KAT6A: variants seen among roughly 807,000 people sequenced by gnomAD.
The protein encoded by KAT6A is histone acetyltransferase KAT6A.
A neutral mutation model predicts 198.4 loss-of-function variants in KAT6A; 9 were observed. The ratio of observed to expected loss-of-function variants is 0.05; its 90% CI spans 0.03 to 0.08. The LOEUF is 0.08. Among genes scored for constraint, KAT6A ranks in the 10% least tolerant of loss-of-function variants. KAT6A has a pLI of 1.00. For missense variants in KAT6A, 2,077 were observed against 2,509.9 expected, an observed-to-expected ratio of 0.83 and a Z score of 3.69; for synonymous variants, 890 against 883.0, an observed-to-expected ratio of 1.01 and a Z score of -0.14.
chr8:41,934,792 G>C lies in KAT6A; in HGVS notation c.3428C>G (p.Ser1143Cys). 1.2e-6 allele frequency: 2 copies of C among 1,613,962 alleles called. No homozygotes were observed. Among genetic ancestry groups the C allele is most frequent in the Non-Finnish European group, 1.7e-6 (2 of 1,179,996 alleles). ...TCCCTTTTTCTTTTTCAAAGGTGTG[G>C]ATGTATCTGGCTCAAGAGGAGAATT... ...VKNSPLEPDT[S>C]TPLKKKKGWP... The change falls in exon 17 of 17, where the codon TCC becomes TGC. Residue 1143 changes from serine (S) to cysteine (C), a missense_variant. By Grantham distance (112) the Ser-to-Cys change is moderately radical (BLOSUM62 -1). Coordinates refer to ENST00000265713, the MANE Select transcript of KAT6A (RefSeq NM_006766.5).
rs1398825133 is a variant in KAT6A at position 42,015,668 on chromosome 8, T to C, written c.601-28105A>G. On this transcript the variant is annotated intron_variant, in intron 2 of 16. Transcript: ENST00000265713. ...AACAGGTAATAAAGGGTGAGCTAAA[T>C]ATGTATGTTGAAGGATATTTTTCAT... is the stretch of plus-strand genomic sequence containing the variant. 4.6e-5 allele frequency among the ~76,000 whole-genome samples: 7 copies of C among 152,348 alleles called. 1 individual carries two copies. In the South Asian group the frequency reaches 6.2e-4, roughly 14 times the overall value.
intron 2 of KAT6A, among the ~76,000 whole-genome samples, chr8:42,025,337 G>C (rs531780817): frequency 1.3e-5 from 2 of 149,934 alleles, no homozygotes; most frequent in Non-Finnish European, 3.0e-5. Context: ...TCAGCCTTCC[G>C]AGTAGCTGGG....
Position 41,942,924 on chromosome 8 carries a change from C to T in KAT6A, c.2305G>A (p.Val769Ile). ...GTCCAGCGCAAACATTCTGGATCTA[C>T]ATCTACAGGTCGCAAATTCAGCTGA... ...KLQLNLRPVD[V>I]DPECLRWTPV... Residue 769 changes from valine to isoleucine, a missense_variant, in exon 14 of 17, where the codon GTA becomes ATA. By Grantham distance (29) the Val-to-Ile change is conservative (BLOSUM62 3). Around this residue, in one of 13 missense-constraint regions of KAT6A, gnomAD observed 127 missense variants for 209.6 expected, o/e 0.61. Coordinates refer to ENST00000265713, the MANE Select transcript of KAT6A (RefSeq NM_006766.5). The T allele has an allele frequency of 1.2e-6, 2 of 1,614,216 alleles. No homozygotes were observed. Among genetic ancestry groups the T allele is most frequent in the Non-Finnish European group, 1.7e-6 (2 of 1,180,048 alleles).
chr8:41,956,597 A>G (rs756467814), intron 8 of KAT6A, among the ~76,000 whole-genome samples: 3 of 152,176 alleles, frequency 2.0e-5, no homozygotes, highest in East Asian at 1.9e-4. Flanking sequence ...CTTTCTAACC[A>G]TTCTCTTTTA....
rs922774195 is a variant in KAT6A, at chr8:41,974,507, C to T, written c.1482+197G>A. ...TAATATTGATAGTCAAAGCCATGTG[C>T]TTATCTGCAAAACCAAAGCAGTTAT... is the stretch of plus-strand genomic sequence containing the variant. On this transcript the variant is annotated intron_variant, in intron 8 of 16. Transcript: ENST00000265713. The T allele has an allele frequency of 3.2e-5, 13 of 409,330 alleles. No homozygotes were observed. The East Asian group carries it at 4.3e-4, about 14-fold the overall frequency. 25.4% of individuals were successfully genotyped at this position (409,330 alleles called of 1,614,324 possible).
intron 15 of KAT6A, among the ~76,000 whole-genome samples, chr8:41,940,362 T>C (rs946260316): frequency 7.2e-5 from 11 of 152,188 alleles, no homozygotes; most frequent in Non-Finnish European, 1.0e-4. Flanking sequence ...GAGAAAACAA[T>C]AGCACCCAAG....
At position 41,977,274 on chromosome 8, in the gene KAT6A, C is replaced by T. The variant is rs1181854686; in HGVS notation, c.1097G>A (p.Arg366Gln). The T allele has an allele frequency of 1.1e-5, 18 of 1,614,054 alleles. No individual in the cohort carries two copies. Among genetic ancestry groups the T allele is most frequent in the Non-Finnish European group, 1.5e-5 (18 of 1,179,962 alleles). The change falls in exon 7 of 17, where the codon CGA (arginine) becomes CAA (glutamine). Residue 366 changes from arginine (R) to glutamine (Q), a missense_variant. Coordinates refer to ENST00000265713, the MANE Select transcript of KAT6A (RefSeq NM_006766.5). ...TGATTGGCTGGAAAGAGTGATTTTT[C>T]GTTTCCTACCCCTTCCAGGGCCAGT... ...VRTGPGRGRK[R>Q]KITLSSQSAS...
At chr8:41,980,658 G>T (rs1177339821) in intron 5 of KAT6A, among the ~76,000 whole-genome samples, 188 bp downstream of exon 5, 1 of 152,288 alleles carries the variant, frequency 6.6e-6, no homozygotes, top group East Asian at 1.9e-4. Context: ...TCCGTATCAT[G>T]TAAGAATGTT....
intron 8 of KAT6A, among the ~76,000 whole-genome samples, chr8:41,965,948 G>A (rs1033035437): frequency 5.9e-5 from 9 of 152,126 alleles, no homozygotes; most frequent in Admixed American, 2.0e-4. Context: ...ATTAAAGGCC[G>A]CATAGATGTA....
intron 2 of KAT6A, among the ~76,000 whole-genome samples, chr8:41,987,779 C>T (rs1336694835): frequency 6.6e-6 from 1 of 152,070 alleles, no homozygotes; most frequent in Non-Finnish European, 1.5e-5. Context: ...AACTTTACTC[C>T]AAAAAATCCT....
intron 2 of KAT6A, among the ~76,000 whole-genome samples, chr8:42,018,000 G>C (rs1045422084): frequency 6.6e-6 from 1 of 152,120 alleles, no homozygotes; most frequent in Non-Finnish European, 1.5e-5. Context: ...AAGAAAAGAC[G>C]AGGGCATGAA....
chr8:41,986,646 C>T (rs751873542), intron 3 of KAT6A, among the ~76,000 whole-genome samples: 27 of 152,118 alleles, frequency 1.8e-4, no homozygotes, highest in Non-Finnish European at 3.7e-4. Context: ...GCTATATATT[C>T]AAATCCCTCC....
intron 9 of KAT6A, among the ~76,000 whole-genome samples, chr8:41,953,529 A>G (rs918827674): frequency 6.6e-6 from 1 of 152,194 alleles, no homozygotes; most frequent in Non-Finnish European, 1.5e-5. Flanking sequence ...GCGAGAGTGC[A>G]ATGGCGCGAT....
intron 12 of KAT6A, among the ~76,000 whole-genome samples, chr8:41,944,251 C>T (rs1284535723): frequency 6.6e-6 from 1 of 152,098 alleles, no homozygotes; most frequent in African/African-American, 2.4e-5. Context: ...TGTTAAAAAT[C>T]AGGACTGTTA....
chr8:41,942,108 A>T (rs1197397438), intron 14 of KAT6A: 1 of 197,284 alleles, frequency 5.1e-6, no homozygotes, highest in African/African-American at 2.3e-5. Context: ...AGCACTGCTT[A>T]AAAAAAAGAG....
At chr8:42,007,685 G>A (rs55994303) in intron 2 of KAT6A, among the ~76,000 whole-genome samples, 61 of 152,188 alleles carry the variant, frequency 4.0e-4, no homozygotes, top group East Asian at 3.1e-3. Context: ...ATTGTTGGCC[G>A]GGCGCAGTGG....
At chr8:42,045,547 A>C (rs188787747) in intron 2 of KAT6A, among the ~76,000 whole-genome samples, 1 of 145,318 alleles carries the variant, frequency 6.9e-6, no homozygotes, top group Non-Finnish European at 1.5e-5. Flanking sequence ...GGGCAACAAG[A>C]GCGAAATTCC....
intron 2 of KAT6A, among the ~76,000 whole-genome samples, chr8:42,043,810 C>A (rs906104282): frequency 6.6e-6 from 1 of 152,154 alleles, no homozygotes; most frequent in Non-Finnish European, 1.5e-5. Context: ...CCCAGCTCTG[C>A]CACCTAATAT....
intron 2 of KAT6A, among the ~76,000 whole-genome samples, chr8:42,014,008 A>T (rs1459927254): frequency 1.3e-5 from 2 of 152,248 alleles, no homozygotes; most frequent in Non-Finnish European, 2.9e-5. Flanking sequence ...AACGAAAACA[A>T]GTGTGGCTGT....
Sources: allele counts gnomAD v4.1 joint callset (sites outside exome capture counted in the v4.1 genomes callset), GRCh38; gene constraint gnomAD v4.1.1; regional missense constraint gnomAD v4.1.1; transcripts MANE v1.5; gene names NCBI Gene and HGNC (gene_info 2026-07-23, HGNC 2026-07-21).